RECQL4: variants seen among roughly 807,000 people sequenced by gnomAD.
The protein encoded by RECQL4 is ATP-dependent DNA helicase Q4.
RECQL4 carries 158 observed loss-of-function variants against 128.6 expected under a neutral mutation model. The ratio of observed to expected loss-of-function variants is 1.23; its 90% CI spans 1.08 to 1.40. The LOEUF is 1.40. Among genes scored for constraint, RECQL4 ranks in the 40% most tolerant of loss-of-function variants. The pLI is 0.00. For synonymous variants in RECQL4, 996 were observed against 678.9 expected (o/e 1.47, Z -7.26); for missense variants, 2,293 against 1,649.8 (o/e 1.39, Z -6.75).
rs1060501370 is a variant in RECQL4 at position 144,516,313 on chromosome 8, CA to C, written c.805del (p.Trp269GlyfsTer24). 1 of 1,609,950 alleles carries C rather than the reference CA, an allele frequency of 6.2e-7. No individual in the cohort carries two copies. The highest frequency in any genetic ancestry group is 8.5e-7 in the Non-Finnish European group (1 of 1,179,046). Reference protein sequence around the residue: ...GEKRRWNEEPWESPAQVQQES... With the variant: ...GEKRRWNEEPXESPAQVQQES... Reference sequence around the variant, plus strand: ...CTGCTGGACCTGTGCGGGGCTCTCCCAGGGCTCCTCGTTCCATCTCCGCTTC... The same window carrying C: ...CTGCTGGACCTGTGCGGGGCTCTCCCGGGCTCCTCGTTCCATCTCCGCTTC... On this transcript the variant is annotated frameshift_variant, in exon 5 of 21. Transcript: ENST00000617875. LOFTEE classifies it high-confidence loss of function.
chr8:144,517,188 C>T lies in RECQL4; in HGVS notation c.216G>A (p.Ala72=), dbSNP rs753073753. Residue 72 remains alanine (A), a splice_region_variant and synonymous_variant, in exon 4 of 21, where the codon GCG becomes GCA. Transcript: ENST00000617875. ...SESLPAAAEE[A]PEPRCWGPHL... ...GGGGCCCCCAGCAGCGGGGCTCTGGCGCCTGCAGGAGACAACAGGGGCACA... is the reference window on the plus strand; with the variant it reads ...GGGGCCCCCAGCAGCGGGGCTCTGGTGCCTGCAGGAGACAACAGGGGCACA... The T allele has an allele frequency of 1.9e-6, 3 of 1,599,784 alleles. No individual in the cohort carries two copies. Among genetic ancestry groups the T allele is most frequent in the African/African-American group, 1.3e-5 (1 of 74,718 alleles).
intron 3 of RECQL4, 63 bp from the exon 4 acceptor site, chr8:144,517,253 C>G (rs574347562): frequency 6.5e-7 from 1 of 1,528,914 alleles, no homozygotes; most frequent in Admixed American, 2.0e-5. Context: ...GCGCTCCCAG[C>G]CACCCCTCCC....
In RECQL4 at chr8:144,512,519, C is replaced by G. The variant is rs1391709653; in HGVS notation, c.2928G>C (p.Glu976Asp). The change falls in exon 17 of 21, where the codon GAG (glutamate) becomes GAC (aspartate). Residue 976 changes from glutamate (E) to aspartate (D), a missense_variant. Glu to Asp is a conservative substitution (Grantham distance 45). Coordinates refer to ENST00000617875, the MANE Select transcript of RECQL4 (RefSeq NM_004260.4). ...LAVCLAQQLPEDPGQGSSSVE... is the reference protein window; with the variant it reads ...LAVCLAQQLPDDPGQGSSSVE... ...CGGAGCTGCTGCCTTGCCCTGGGTCCTCAGGCAGCTGCTGGGCCAAGCACA... is the reference window on the plus strand; with the variant it reads ...CGGAGCTGCTGCCTTGCCCTGGGTCGTCAGGCAGCTGCTGGGCCAAGCACA... 2 of 1,612,570 alleles carry G rather than the reference C, an allele frequency of 1.2e-6. No individual in the cohort carries two copies. The highest frequency in any genetic ancestry group is 4.5e-5 in the East Asian group (2 of 44,888).
chr8:144,514,624 G>C, intron 9 of RECQL4, 99 bp from the exon 10 acceptor site: 1 of 1,277,222 alleles, frequency 7.8e-7, no homozygotes, highest in Non-Finnish European at 1.1e-6. Context: ...AGTCCCTCAG[G>C]GGAGAGGAGA....
Position 144,516,164 on chromosome 8 carries a change from A to G in RECQL4, c.955T>C (p.Tyr319His). 1 of 1,613,312 alleles carries G rather than the reference A, an allele frequency of 6.2e-7. No homozygotes were observed. Among genetic ancestry groups the G allele is most frequent in the Non-Finnish European group, 8.5e-7 (1 of 1,179,854 alleles). ...TGACTGGAGGGGCTGAGTCCGTGGT[A>G]CCTGGGGTTCGATGGGCTGCTGCAG... ...QPCSSPSNPR[Y>H]HGLSPSSQAR... The change falls in exon 5 of 21, where the codon TAC (tyrosine) becomes CAC (histidine). Residue 319 changes from tyrosine to histidine, a missense_variant. Coordinates refer to ENST00000617875, the MANE Select transcript of RECQL4 (RefSeq NM_004260.4).
chr8:144,515,486 G>A (rs765674857), intron 6 of RECQL4, 29 bp from the exon 7 acceptor site: 13 of 1,612,186 alleles, frequency 8.1e-6, no homozygotes, highest in East Asian at 2.2e-5. Flanking sequence ...GGTAGAATGG[G>A]AGCTCCAGGT....
rs2130706257 is a variant in RECQL4 at position 144,515,217 on chromosome 8, G to A, written c.1416C>T (p.Ala472=). The A allele has an allele frequency of 7.6e-6, 12 of 1,578,166 alleles. No individual in the cohort carries two copies. Among genetic ancestry groups the A allele is most frequent in the Middle Eastern group, 1.7e-4 (1 of 6,028 alleles). The change falls in exon 8 of 21, where the codon GCC becomes GCT. Residue 472 remains alanine, a synonymous_variant. Transcript: ENST00000617875. ...AGGCTTGGTGCCCCAGCTGCTCCAG[G>A]GCCTGGAACACCTCAGCCGGCGTCT... is the stretch of plus-strand genomic sequence containing the variant. ...LAETPAEVFQ[A]LEQLGHQAFR...
intron 9 of RECQL4, 25 bp downstream of exon 9, chr8:144,514,911 T>C (rs1478271043): frequency 1.2e-6 from 2 of 1,609,044 alleles, no homozygotes; most frequent in Non-Finnish European, 1.7e-6. Context: ...GCTGTGTACG[T>C]GTGCCCAGGG....
Position 144,516,369 on chromosome 8 carries a change from C to G in RECQL4, c.750G>C (p.Gly250=). 1.9e-6 allele frequency: 3 copies of G among 1,610,016 alleles called. No individual in the cohort carries two copies. In the African/African-American group the frequency reaches 4.0e-5, roughly 21 times the overall value. ...CTCCACTGCTGCTGGGCTGGGGGCT[C>G]CCCACACGGATGCTGACTTCTTGGA... The part of the protein sequence containing the change: ...SAFQEVSIRV[G]SPQPSSSGGE... Residue 250 remains glycine (G), a synonymous_variant, in exon 5 of 21, where the codon GGG becomes GGC. Coordinates refer to ENST00000617875, the MANE Select transcript of RECQL4 (RefSeq NM_004260.4).
At position 144,514,041 on chromosome 8, in the gene RECQL4, C is replaced by T. The variant is rs1035779304; in HGVS notation, c.1945G>A (p.Ala649Thr). The T allele has an allele frequency of 1.3e-6, 2 of 1,578,416 alleles. No homozygotes were observed. The highest frequency in any genetic ancestry group is 1.7e-6 in the Non-Finnish European group (2 of 1,163,304). Residue 649 changes from alanine (A) to threonine (T), a missense_variant, in exon 12 of 21, where the codon GCC becomes ACC. Ala to Thr is a moderately conservative substitution (Grantham distance 58). Coordinates refer to ENST00000617875, the MANE Select transcript of RECQL4 (RefSeq NM_004260.4). ...GCCAGGTGCTGTGCCACGTCACTGGCAGTGCGGCGTGTGGCTGTGGCTGTG... is the reference window on the plus strand; with the variant it reads ...GCCAGGTGCTGTGCCACGTCACTGGTAGTGCGGCGTGTGGCTGTGGCTGTG... ...GLTATATRRTASDVAQHLAVA... is the reference protein window; with the variant it reads ...GLTATATRRTTSDVAQHLAVA...
rs1026557548 is a variant in RECQL4, at chr8:144,516,507, G to A, written c.612C>T (p.Ala204=). 3 of 1,609,084 alleles carry A rather than the reference G, an allele frequency of 1.9e-6. No individual in the cohort carries two copies. Among genetic ancestry groups the A allele is most frequent in the African/African-American group, 1.3e-5 (1 of 74,924 alleles). ...CHSEVPDFLG[A]PKACRPDLGS... ...CTAGATCAGGCCTGCAGGCTTTGGG[G>A]GCCCCCAGAAAATCTGGGACCTCAC... The change falls in exon 5 of 21, where the codon GCC becomes GCT. Residue 204 remains alanine (A), a synonymous_variant. Transcript: ENST00000617875.
At position 144,513,093 on chromosome 8, in the gene RECQL4, T is replaced by C. The variant is rs766090166; in HGVS notation, c.2509A>G (p.Thr837Ala). Reference protein sequence around the residue: ...ELRRHVHADSTDFLAVKRLVQ... With the variant: ...ELRRHVHADSADFLAVKRLVQ... The stretch of plus-strand genomic sequence containing the variant: ...AGCCTCTTCACAGCCAGGAAGTCCG[T>C]GCTGTCGGCGTGCACATGTCTGCGC... Residue 837 changes from threonine (T) to alanine (A), a missense_variant, in exon 15 of 21, where the codon ACG becomes GCG. Physicochemically the swap from Thr to Ala is moderately conservative, Grantham distance 58. Transcript: ENST00000617875. 4 of 1,574,486 alleles carry C rather than the reference T, an allele frequency of 2.5e-6. No individual in the cohort carries two copies. The highest frequency in any genetic ancestry group is 2.3e-5 in the South Asian group (2 of 86,054).
At chr8:144,513,510 G>A (rs768052345) in intron 13 of RECQL4, 30 bp from the exon 14 acceptor site, 2 of 1,610,666 alleles carry the variant, frequency 1.2e-6, no homozygotes, top group Non-Finnish European at 8.5e-7. Flanking sequence ...ATGGTCAGTG[G>A]GATGGGACCA....
Position 144,511,760 on chromosome 8 carries a change from G to A in RECQL4, c.3423C>T (p.Cys1141=), listed in dbSNP as rs370611564. ...RLQDWEDQVR[C]DIRQFLSLRP... ...TCAGGGACAGGAACTGGCGGATGTC[G>A]CAGCGGACCTGGTCCTCCCAATCCT... The change falls in exon 20 of 21, where the codon TGC becomes TGT. Residue 1141 remains cysteine (C), a synonymous_variant. Transcript: ENST00000617875. The A allele has an allele frequency of 1.1e-5, 17 of 1,612,556 alleles. No individual in the cohort carries two copies. The highest frequency in any genetic ancestry group is 1.4e-5 in the Non-Finnish European group (17 of 1,179,820).
chr8:144,516,865 T>C, intron 4 of RECQL4, 101 bp from the exon 5 acceptor site: 1 of 1,384,802 alleles, frequency 7.2e-7, no homozygotes, highest in Non-Finnish European at 9.7e-7. Context: ...TAGAGCAGGC[T>C]AATTAGCACA....
intron 4 of RECQL4, 53 bp downstream of exon 4, chr8:144,516,997 G>A (rs1396160837): frequency 8.9e-6 from 14 of 1,569,330 alleles, no homozygotes; most frequent in Admixed American, 7.2e-5. Context: ...GGGCGACCCG[G>A]ACCGGAAGCA....
Position 144,511,912 on chromosome 8 carries a change from C to T in RECQL4, c.3392G>A (p.Arg1131Lys), listed in dbSNP as rs201369291. 758 of 1,610,652 alleles carry T rather than the reference C, an allele frequency of 4.7e-4. 1 individual carries two copies. The African/African-American group carries it at 9.3e-3, about 20-fold the overall frequency. Residue 1131 changes from arginine (R) to lysine (K), a missense_variant and splice_region_variant, in exon 19 of 21, where the codon AGA becomes AAA. Physicochemically the swap from Arg to Lys is conservative, Grantham distance 26 (BLOSUM62 2). Transcript: ENST00000617875. ...DAQGPEPGQA[R>K]LQDWEDQVRC... Reference sequence around the variant, plus strand: ...GCTGCCTGGCCTTACTGCACTCACTCTGGCCTGCCCTGGCTCGGGGCCCTG... The same window carrying T: ...GCTGCCTGGCCTTACTGCACTCACTTTGGCCTGCCCTGGCTCGGGGCCCTG...
chr8:144,515,814 C>T lies in RECQL4; in HGVS notation c.1208G>A (p.Cys403Tyr), dbSNP rs753593981. The T allele has an allele frequency of 5.6e-6, 9 of 1,612,860 alleles. No individual in the cohort carries two copies. Among genetic ancestry groups the T allele is most frequent in the Middle Eastern group, 3.3e-4 (2 of 6,062 alleles). The change falls in exon 6 of 21, where the codon TGT becomes TAT. Residue 403 changes from cysteine (C) to tyrosine (Y), a missense_variant. Coordinates refer to ENST00000617875, the MANE Select transcript of RECQL4 (RefSeq NM_004260.4). ...GGATVTTKES[C>Y]FLNEQFDHWA... ...GTGATCGAACTGCTCGTTCAGGAAA[C>T]AAGACTCCTTGGTTGTGACTGTGGC... is the stretch of plus-strand genomic sequence containing the variant.
At position 144,515,035 on chromosome 8, in the gene RECQL4, G is replaced by C. The variant is rs763993982; in HGVS notation, c.1521C>G (p.Gly507=). The C allele has an allele frequency of 1.9e-6, 3 of 1,610,094 alleles. No individual in the cohort carries two copies. Among genetic ancestry groups the C allele is most frequent in the Non-Finnish European group, 2.5e-6 (3 of 1,178,908 alleles). Residue 507 remains glycine (G), a synonymous_variant, in exon 9 of 21, where the codon GGC becomes GGG. Transcript: ENST00000617875. Reference sequence around the variant, plus strand: ...CTGGGAGCTGGTAGCACAGGGACTTGCCGGCACCTGTAGGCAGCACCAGCA... The same window carrying C: ...CTGGGAGCTGGTAGCACAGGGACTTCCCGGCACCTGTAGGCAGCACCAGCA... ...STLLVLPTGA[G]KSLCYQLPAL...
Sources: allele counts gnomAD v4.1 joint callset, GRCh38; gene constraint gnomAD v4.1.1; transcripts MANE v1.5; gene names NCBI Gene and HGNC (gene_info 2026-07-23, HGNC 2026-07-21).